The following UBE2W variants were observed in gnomAD, a reference collection of about 807,000 sequenced individuals.
The protein encoded by UBE2W is ubiquitin-conjugating enzyme E2 W.
In UBE2W, 18 loss-of-function variants were observed where a neutral mutation model predicts 27.2. The ratio of observed to expected loss-of-function variants is 0.66; its 90% confidence interval spans 0.46 to 0.98. The LOEUF (loss-of-function observed/expected upper bound fraction) is 0.98, where lower values mean the gene tolerates loss of function less well. UBE2W is among the 50% of genes least tolerant of loss of function. The pLI, the probability that UBE2W is intolerant of heterozygous loss-of-function variation, is 0.00. For synonymous variants in UBE2W, 53 were observed against 57.2 expected, an observed-to-expected ratio of 0.93 and a Z score of 0.33; for missense variants, 90 against 180.2, an observed-to-expected ratio of 0.50 and a Z score of 2.87.
At chr8:73,844,538 GC>G (rs2130934385) in intron 1 of UBE2W, among the ~76,000 whole-genome samples, 1 of 152,176 alleles carries the variant, frequency 6.6e-6, no homozygotes, top group Non-Finnish European at 1.5e-5. Flanking sequence ...CTCCCAAAGT[GC>G]CGAGATTGCA....
At chr8:73,835,791 T>G (rs1236005072) in intron 1 of UBE2W, among the ~76,000 whole-genome samples, 1 of 152,120 alleles carries the variant, frequency 6.6e-6, no homozygotes, top group Non-Finnish European at 1.5e-5. Context: ...TCTTGGTAAT[T>G]CTCTCTCTCA....
At chr8:73,780,773 C>T (rs535876161) in intron 4 of UBE2W, among the ~76,000 whole-genome samples, 8 of 151,920 alleles carry the variant, frequency 5.3e-5, no homozygotes, top group East Asian at 2.0e-4. Context: ...ATCCACCTGC[C>T]TCAACCTCCC....
In UBE2W at chr8:73,787,237, C is replaced by T. The variant is rs549869458; in HGVS notation, c.*6865G>A. 5.1e-6 allele frequency: 5 copies of T among 985,410 alleles called. No homozygotes were observed. In the African/African-American group the frequency reaches 7.0e-5, roughly 14 times the overall value. The allele number at this position is 985,410 out of a possible 1,614,324, so 61.0% of individuals were successfully genotyped here. On this transcript the variant is annotated 3_prime_UTR_variant, in exon 6 of 6. Transcript: ENST00000602593. ...GGCTTTGAGCTTTGTTGTCCAAGTA[C>T]ACAAAACTCTTAGCTGTCTCACTTG...
At chr8:73,820,548 C>T (rs1254515337) in intron 3 of UBE2W, among the ~76,000 whole-genome samples, 1 of 151,826 alleles carries the variant, frequency 6.6e-6, no homozygotes, top group Non-Finnish European at 1.5e-5. Flanking sequence ...ACCAGCTGGA[C>T]CAACATGGTG....
At chr8:73,851,404 A>G (rs951447462) in intron 1 of UBE2W, among the ~76,000 whole-genome samples, 4 of 152,240 alleles carry the variant, frequency 2.6e-5, no homozygotes, top group Admixed American at 6.5e-5. Context: ...CGGAGTACAG[A>G]ATTAGAGACT....
intron 3 of UBE2W, among the ~76,000 whole-genome samples, chr8:73,819,498 G>T (rs1002494247): frequency 3.3e-5 from 5 of 152,150 alleles, no homozygotes; most frequent in Non-Finnish European, 7.4e-5. Context: ...CCTCTCTCAA[G>T]AAACAGTATT....
At position 73,788,385 on chromosome 8, in the gene UBE2W, T is replaced by C. The variant is rs1416907981; in HGVS notation, c.*5717A>G. 2.0e-6 allele frequency: 2 copies of C among 985,326 alleles called. No individual in the cohort carries two copies. The highest frequency in any genetic ancestry group is 1.2e-6 in the Non-Finnish European group (1 of 829,942). 61.0% of individuals were successfully genotyped at this position (985,326 alleles called of 1,614,324 possible). Reference sequence around the variant, plus strand: ...TAATAAAATGCACACTCTGTAGTTCTGAATAATAAAAGGAAAATGGCACCA... The same window carrying C: ...TAATAAAATGCACACTCTGTAGTTCCGAATAATAAAAGGAAAATGGCACCA... On this transcript the variant is annotated 3_prime_UTR_variant, in exon 6 of 6. Transcript: ENST00000602593.
chr8:73,799,901 G>A (rs1290294508), intron 5 of UBE2W, among the ~76,000 whole-genome samples: 1 of 152,064 alleles, frequency 6.6e-6, no homozygotes, highest in Non-Finnish European at 1.5e-5. Flanking sequence ...CATATGTCTT[G>A]GTAACTAGGT....
intron 5 of UBE2W, among the ~76,000 whole-genome samples, chr8:73,794,745 A>T (rs1308750978): frequency 6.6e-6 from 1 of 151,854 alleles, no homozygotes; most frequent in Non-Finnish European, 1.5e-5. Flanking sequence ...TCTACTAAAA[A>T]TACAAAAATT....
intron 1 of UBE2W, among the ~76,000 whole-genome samples, chr8:73,839,922 G>A (rs538467477): frequency 6.6e-6 from 1 of 151,904 alleles, no homozygotes; most frequent in South Asian, 2.1e-4. Flanking sequence ...AACATGGTGA[G>A]ATGGGGTTTC....
intron 4 of UBE2W, 70 bp downstream of exon 4, chr8:73,810,404 C>T (rs939749653): frequency 7.4e-7 from 1 of 1,353,366 alleles, no homozygotes; most frequent in African/African-American, 1.5e-5. Context: ...AAAATAATTA[C>T]ATATTAAAAT....
intron 1 of UBE2W, among the ~76,000 whole-genome samples, chr8:73,866,157 G>A (rs896534103): frequency 2.6e-5 from 4 of 150,982 alleles, no homozygotes; most frequent in Non-Finnish European, 5.9e-5. Flanking sequence ...TGTAATCCCA[G>A]CTATTCGGGA....
intron 1 of UBE2W, among the ~76,000 whole-genome samples, chr8:73,832,801 A>G (rs1810130013): frequency 1.3e-5 from 2 of 152,174 alleles, no homozygotes; most frequent in South Asian, 4.1e-4. Flanking sequence ...CACATTTCAG[A>G]TTGGGGATGC....
intron 5 of UBE2W, among the ~76,000 whole-genome samples, chr8:73,798,338 T>C (rs79708317): frequency 0.024 from 3,671 of 152,240 alleles, 157 homozygotes; most frequent in African/African-American, 0.084. Flanking sequence ...CCTCAGAATA[T>C]GTGTTTAAGG....
At chr8:73,805,480 A>AAAAAAAAAAAAAAAAAAAAAAAAAAC (rs56235377) in intron 5 of UBE2W, among the ~76,000 whole-genome samples, 171 bp downstream of exon 5, 2 of 144,586 alleles carry the variant, frequency 1.4e-5, no homozygotes, top group Non-Finnish European at 3.1e-5. Flanking sequence ...AACAAAAAAA[A>AAAAAAAAAAAAAAAAAAAAAAAAAAC]CTAGGGTAAT....
intron 2 of UBE2W, among the ~76,000 whole-genome samples, chr8:73,827,404 G>T (rs1809890381): frequency 6.6e-6 from 1 of 151,970 alleles, no homozygotes; most frequent in South Asian, 2.1e-4. Context: ...TGTAGAGAGG[G>T]TGTTTCTCCA....
chr8:73,785,457 A>T (rs139772919), downstream of UBE2W, among the ~76,000 whole-genome samples: 164 of 152,278 alleles, frequency 1.1e-3, no homozygotes, highest in African/African-American at 3.8e-3. Flanking sequence ...ACAGTATTAA[A>T]GAAAATAAAT....
At position 73,786,283 on chromosome 8, in the gene UBE2W, G is replaced by C. The variant is rs1010397837; in HGVS notation, c.*7819C>G. On this transcript the variant is annotated 3_prime_UTR_variant, in exon 6 of 6. Transcript: ENST00000602593. ...AAACTCTCTGGGATAGAAAGAGCAG[G>C]GTCCTGTTATACATTTTACTCAGGT... 3 of 985,214 alleles carry C rather than the reference G, an allele frequency of 3.0e-6. No individual in the cohort carries two copies. In the African/African-American group the frequency reaches 5.2e-5, roughly 17 times the overall value. The allele number at this position is 985,214 out of a possible 1,614,324, so 61.0% of individuals were successfully genotyped here.
intron 1 of UBE2W, among the ~76,000 whole-genome samples, chr8:73,848,656 C>T (rs1473765525): frequency 1.3e-5 from 2 of 152,142 alleles, no homozygotes; most frequent in Non-Finnish European, 2.9e-5. Flanking sequence ...CTCACCACTG[C>T]ACACCAACAG....
Sources: allele counts gnomAD v4.1 joint callset (sites outside exome capture counted in the v4.1 genomes callset), GRCh38; gene constraint gnomAD v4.1.1; transcripts MANE v1.5; gene names NCBI Gene and HGNC (gene_info 2026-07-23, HGNC 2026-07-21).